The following CNTN4 variants were observed in gnomAD, a reference collection of about 807,000 sequenced individuals.
CNTN4 encodes contactin 4.
In CNTN4, 77 loss-of-function variants were observed where a neutral mutation model predicts 122.5. That is an observed-to-expected ratio of 0.63 (90% CI 0.52 to 0.76). The LOEUF is 0.76. CNTN4 is among the 30% of genes least tolerant of loss of function. The pLI, the probability that CNTN4 is intolerant of heterozygous loss-of-function variation, is 0.00. For synonymous variants in CNTN4, 512 were observed against 447.0 expected, an observed-to-expected ratio of 1.15 and a Z score of -1.83; for missense variants, 1,256 against 1,259.1, an observed-to-expected ratio of 1.00 and a Z score of 0.04.
intron 7 of CNTN4, among the ~76,000 whole-genome samples, chr3:2,865,343 G>T (rs1165169863): frequency 6.6e-6 from 1 of 152,176 alleles, no homozygotes; most frequent in African/African-American, 2.4e-5. Context: ...ACATTCAGTT[G>T]TTAAGGTCAA....
chr3:2,689,610 T>C (rs1463598676), intron 4 of CNTN4, among the ~76,000 whole-genome samples: 1 of 152,128 alleles, frequency 6.6e-6, no homozygotes, highest in Non-Finnish European at 1.5e-5. Context: ...AAGGAGGGAA[T>C]GGATACCAGA....
chr3:2,261,757 T>C (rs768344558), intron 2 of CNTN4, among the ~76,000 whole-genome samples: 2 of 152,294 alleles, frequency 1.3e-5, no homozygotes, highest in East Asian at 1.9e-4. Flanking sequence ...ATGTGGAATT[T>C]TCAGACAGAA....
intron 7 of CNTN4, among the ~76,000 whole-genome samples, chr3:2,826,994 A>G (rs2093001476): frequency 6.6e-6 from 1 of 151,902 alleles, no homozygotes; most frequent in South Asian, 2.1e-4. Flanking sequence ...TTTTAACCCC[A>G]CTCTAAACCT....
intron 3 of CNTN4, among the ~76,000 whole-genome samples, chr3:2,404,820 A>G (rs1465098075): frequency 6.6e-6 from 1 of 152,122 alleles, no homozygotes; most frequent in East Asian, 1.9e-4. Context: ...AGCATTTTCA[A>G]ATCAGTTCTT....
chr3:2,502,801 G>C (rs150617153), intron 3 of CNTN4, among the ~76,000 whole-genome samples: 2 of 152,076 alleles, frequency 1.3e-5, no homozygotes, highest in Admixed American at 1.3e-4. Flanking sequence ...ATCACAGCTA[G>C]AACTTTGGTG....
At chr3:2,124,773 C>G (rs1485329562) in intron 2 of CNTN4, among the ~76,000 whole-genome samples, 8 of 152,052 alleles carry the variant, frequency 5.3e-5, no homozygotes, top group Non-Finnish European at 1.0e-4. Flanking sequence ...AAACAACCAA[C>G]CAACCAACAA....
intron 14 of CNTN4, 144 bp downstream of exon 14, chr3:2,988,616 G>A (rs537291540): frequency 1.2e-6 from 1 of 835,588 alleles, no homozygotes; most frequent in East Asian, 2.7e-5. Flanking sequence ...AACATGATAT[G>A]ATTAATAATT....
At chr3:2,868,984 C>G (rs1382715206) in intron 8 of CNTN4, among the ~76,000 whole-genome samples, 2 of 152,004 alleles carry the variant, frequency 1.3e-5, no homozygotes, top group African/African-American at 4.8e-5. Context: ...GAGTTAACAT[C>G]ATATGCAAAA....
At chr3:2,960,865 T>C (rs2094845714) in intron 13 of CNTN4, among the ~76,000 whole-genome samples, 1 of 152,120 alleles carries the variant, frequency 6.6e-6, no homozygotes. Flanking sequence ...GCAAATGATT[T>C]TGAAAGTCCT....
chr3:2,980,126 A>T (rs1577483731), intron 13 of CNTN4, among the ~76,000 whole-genome samples: 1 of 152,342 alleles, frequency 6.6e-6, no homozygotes, highest in African/African-American at 2.4e-5. Context: ...AGATAGATTC[A>T]ATTTATCTCC....
At chr3:2,692,637 AT>A (rs1254946639) in intron 4 of CNTN4, among the ~76,000 whole-genome samples, 1 of 152,082 alleles carries the variant, frequency 6.6e-6, no homozygotes, top group Non-Finnish European at 1.5e-5. Flanking sequence ...TTTCGTAAAT[AT>A]TTTTTGTCGC....
intron 3 of CNTN4, among the ~76,000 whole-genome samples, chr3:2,546,779 A>G (rs2078263470): frequency 6.6e-6 from 1 of 152,158 alleles, no homozygotes; most frequent in Non-Finnish European, 1.5e-5. Flanking sequence ...GTAGAAGAAG[A>G]AGAAATGGCC....
chr3:3,051,828 C>T (rs2125893230), intron 23 of CNTN4, among the ~76,000 whole-genome samples: 1 of 152,258 alleles, frequency 6.6e-6, no homozygotes, highest in East Asian at 1.9e-4. Flanking sequence ...CTGGTTTTGT[C>T]TTGAGACACA....
At chr3:2,696,978 G>A (rs572597052) in intron 4 of CNTN4, among the ~76,000 whole-genome samples, 2 of 152,260 alleles carry the variant, frequency 1.3e-5, no homozygotes, top group Admixed American at 6.5e-5. Flanking sequence ...GGAAGGTTGC[G>A]AATTAAAAAA....
At chr3:2,785,912 C>A (rs994583459) in intron 6 of CNTN4, among the ~76,000 whole-genome samples, 4 of 136,248 alleles carry the variant, frequency 2.9e-5, no homozygotes, top group Admixed American at 7.4e-5. Context: ...CCCGCCCCCC[C>A]ATCCTGTACC....
Position 2,956,447 on chromosome 3 carries a change from T to C in CNTN4, c.1358+30668T>C, listed in dbSNP as rs558285179. Reference sequence around the variant, plus strand: ...AATTAAAATGGCATTTTTTATGTTATATATATATTTTACCACAGTAAAAAA... The same window carrying C: ...AATTAAAATGGCATTTTTTATGTTACATATATATTTTACCACAGTAAAAAA... On this transcript the variant is annotated intron_variant, in intron 13 of 24. Coordinates refer to ENST00000418658, the MANE Select transcript of CNTN4 (RefSeq NM_175607.3). Among the ~76,000 whole-genome samples the C allele has an allele frequency of 4.6e-5, 7 of 152,172 alleles. No individual in the cohort carries two copies. The South Asian group carries it at 1.0e-3, about 23-fold the overall frequency.
chr3:2,576,435 A>C (rs1298203512), intron 4 of CNTN4, among the ~76,000 whole-genome samples: 1 of 152,216 alleles, frequency 6.6e-6, no homozygotes, highest in East Asian at 1.9e-4. Flanking sequence ...GTTTTTCAAA[A>C]GTCGATGTAA....
chr3:2,906,926 A>G (rs2151186128), intron 12 of CNTN4, among the ~76,000 whole-genome samples: 1 of 152,170 alleles, frequency 6.6e-6, no homozygotes, highest in East Asian at 1.9e-4. Context: ...TTCTTGAATG[A>G]CAAGCTTGCA....
chr3:2,218,439 G>T (rs891286822), intron 2 of CNTN4, among the ~76,000 whole-genome samples: 1 of 152,094 alleles, frequency 6.6e-6, no homozygotes, highest in Non-Finnish European at 1.5e-5. Flanking sequence ...AGGATCCCTC[G>T]AGCCTGGGAG....
Sources: allele counts gnomAD v4.1 joint callset (sites outside exome capture counted in the v4.1 genomes callset), GRCh38; gene constraint gnomAD v4.1.1; transcripts MANE v1.5; gene names NCBI Gene and HGNC (gene_info 2026-07-23, HGNC 2026-07-21).